Variants in MAP4K5 observed in about 807,000 individuals in gnomAD.
MAP4K5 encodes the protein MAPK/ERK kinase kinase kinase 5.
MAP4K5 carries 82 observed loss-of-function variants against 135.6 expected under a neutral mutation model. That is an observed-to-expected ratio of 0.60 (90% CI 0.51 to 0.73). MAP4K5 has a LOEUF of 0.73. Ranked by LOEUF, MAP4K5 falls within the 30% of genes least tolerant of loss-of-function variation. The pLI, the probability that MAP4K5 is intolerant of heterozygous loss-of-function variation, is 0.00. For synonymous variants in MAP4K5, 347 were observed against 335.0 expected (o/e 1.04, Z -0.39); for missense variants, 907 against 1,010.9 (o/e 0.90, Z 1.39).
chr14:50,438,843 C>T (rs2139688278), intron 23 of MAP4K5, among the ~76,000 whole-genome samples: 1 of 152,230 alleles, frequency 6.6e-6, no homozygotes, highest in Middle Eastern at 3.4e-3. Flanking sequence ...GCTAAACACA[C>T]ATGTACATGC....
chr14:50,458,591 G>GA (rs1266801640), intron 13 of MAP4K5, among the ~76,000 whole-genome samples: 1 of 151,958 alleles, frequency 6.6e-6, no homozygotes, highest in Non-Finnish European at 1.5e-5. Context: ...TGTTCTCATT[G>GA]AAACTCTCCT....
rs115344031 is a variant in MAP4K5, at chr14:50,487,563, G to A, written c.167-1369C>T. ...TTTTATTTGTAACCTGGGAAAACAT[G>A]TATTACATAAATGGTTACGTATACC... On this transcript the variant is annotated intron_variant, in intron 3 of 32. Transcript: ENST00000682126. 4.3e-3 allele frequency among the ~76,000 whole-genome samples: 661 copies of A among 152,262 alleles called. 6 individuals carry two copies. The highest frequency in any genetic ancestry group is 0.015 in the African/African-American group (629 of 41,558).
At chr14:50,550,364 A>T (rs2038687109) in intron 1 of MAP4K5, among the ~76,000 whole-genome samples, 2 of 152,204 alleles carry the variant, frequency 1.3e-5, no homozygotes, top group African/African-American at 4.8e-5. Context: ...CCTACTGAAC[A>T]TCTGTGTTTG....
chr14:50,453,949 T>C (rs2036546197), intron 14 of MAP4K5, among the ~76,000 whole-genome samples: 1 of 152,130 alleles, frequency 6.6e-6, no homozygotes, highest in African/African-American at 2.4e-5. Flanking sequence ...GTGTGATTCA[T>C]AATAATCATT....
At chr14:50,444,864 T>C (rs1182837112) in intron 18 of MAP4K5, among the ~76,000 whole-genome samples, 177 bp downstream of exon 18, 1 of 152,206 alleles carries the variant, frequency 6.6e-6, no homozygotes, top group Admixed American at 6.5e-5. Context: ...AGCCCATCCA[T>C]GCAGAATTAA....
rs145194021 is a variant in MAP4K5 at position 50,495,941 on chromosome 14, T to C, written c.166+8859A>G. ...AAGAGTTGTTGTTGTTTAATGAATA[T>C]AGAGTTTTAGTTTTGCAAGATGAAA... is the stretch of plus-strand genomic sequence containing the variant. On this transcript the variant is annotated intron_variant, in intron 3 of 32. Transcript: ENST00000682126. Among the ~76,000 whole-genome samples, 10 of 152,330 alleles carry C rather than the reference T, an allele frequency of 6.6e-5. 1 individual carries two copies. In the East Asian group the frequency reaches 9.6e-4, roughly 15 times the overall value.
rs370933159 is a variant in MAP4K5, at chr14:50,555,083, G to T, written c.-180+5957C>A. ...TCAATGGTATTTGAGTGGAGATGAT[G>T]TGTGCACTTTCTGGGTTGTACCCTT... On this transcript the variant is annotated intron_variant, in intron 1 of 8. Transcript: ENST00000555216. 5.3e-5 allele frequency among the ~76,000 whole-genome samples: 8 copies of T among 152,282 alleles called. No individual in the cohort carries two copies. The East Asian group carries it at 7.7e-4, about 15-fold the overall frequency.
rs755505909 is a variant in MAP4K5 at position 50,440,053 on chromosome 14, A to C, written c.1665T>G (p.Thr555=). 1 of 1,537,896 alleles carries C rather than the reference A, an allele frequency of 6.5e-7. No homozygotes were observed. Among genetic ancestry groups the C allele is most frequent in the Non-Finnish European group, 8.9e-7 (1 of 1,126,064 alleles). The stretch of plus-strand genomic sequence containing the variant: ...AAGTATTATTGATAACATACAGCCA[A>C]GTACACTTCCGTGGAAATAACTAAG... The part of the protein sequence containing the change: ...TMEQLFPRKC[T]WLYVINNTLM... Residue 555 remains threonine, a synonymous_variant, in exon 23 of 33, where the codon ACT becomes ACG. Transcript: ENST00000682126.
intron 2 of MAP4K5, among the ~76,000 whole-genome samples, chr14:50,514,804 G>A (rs947021541): frequency 2.0e-5 from 3 of 148,494 alleles, no homozygotes; most frequent in African/African-American, 7.4e-5. Context: ...AAGATATAAA[G>A]AGGGAATGGT....
chr14:50,418,615 G>A lies in MAP4K5; in HGVS notation c.*1404C>T, dbSNP rs1216267331. Reference sequence around the variant, plus strand: ...TCAGGCTCAACTACTAACTTGCTGTGTAAATTGGATAGATCTCTTAACCTT... The same window carrying A: ...TCAGGCTCAACTACTAACTTGCTGTATAAATTGGATAGATCTCTTAACCTT... On this transcript the variant is annotated 3_prime_UTR_variant, in exon 33 of 33. Transcript: ENST00000682126. 1 of 152,652 alleles carries A rather than the reference G, an allele frequency of 6.6e-6. No individual in the cohort carries two copies. Among genetic ancestry groups the A allele is most frequent in the Non-Finnish European group, 1.5e-5 (1 of 68,042 alleles). The allele number at this position is 152,652 out of a possible 1,614,324, so 9.5% of individuals were successfully genotyped here.
chr14:50,452,204 G>C (rs183989977), intron 14 of MAP4K5, among the ~76,000 whole-genome samples: 1 of 152,222 alleles, frequency 6.6e-6, no homozygotes, highest in Admixed American at 6.5e-5. Flanking sequence ...GGGTTTATTA[G>C]GATGTAACCC....
At chr14:50,514,588 T>A (rs558234452) in intron 2 of MAP4K5, among the ~76,000 whole-genome samples, 70 of 152,214 alleles carry the variant, frequency 4.6e-4, no homozygotes, top group African/African-American at 1.6e-3. Context: ...CAAGTCAACA[T>A]TGGAGGATTC....
At chr14:50,432,085 G>T (rs561834183) in intron 28 of MAP4K5, among the ~76,000 whole-genome samples, 11 of 152,254 alleles carry the variant, frequency 7.2e-5, no homozygotes, top group African/African-American at 2.6e-4. Flanking sequence ...GCTACTCTAT[G>T]TTCAGGCACT....
chr14:50,550,458 G>A (rs143516364), intron 1 of MAP4K5, among the ~76,000 whole-genome samples: 1 of 152,306 alleles, frequency 6.6e-6, no homozygotes, highest in East Asian at 1.9e-4. Flanking sequence ...CAGTCCTATT[G>A]TGGGGTATGT....
rs369943447 is a variant in MAP4K5, at chr14:50,506,872, C to G, written c.109-2015G>C. ...CCAGATGCCTCACACCATTCCTACC[C>G]TCTCCTCTTTCTGCCATTGGACATA... On this transcript the variant is annotated intron_variant, in intron 2 of 32. Coordinates refer to ENST00000682126, the MANE Select transcript of MAP4K5 (RefSeq NM_006575.6). 1.1e-3 allele frequency among the ~76,000 whole-genome samples: 170 copies of G among 152,298 alleles called. 2 individuals carry two copies. The South Asian group carries it at 0.033, about 29-fold the overall frequency.
intron 8 of MAP4K5, 145 bp downstream of exon 8, chr14:50,475,983 C>T: frequency 2.2e-6 from 1 of 455,298 alleles, no homozygotes; most frequent in Non-Finnish European, 3.9e-6. Context: ...AGTAAAATTA[C>T]TGGATCAAAA....
chr14:50,538,515 T>G (rs1202412780), intron 2 of MAP4K5, among the ~76,000 whole-genome samples: 1 of 152,242 alleles, frequency 6.6e-6, no homozygotes, highest in Non-Finnish European at 1.5e-5. Flanking sequence ...TAAGAAAAGA[T>G]AGCAGATTAC....
intron 3 of MAP4K5, among the ~76,000 whole-genome samples, chr14:50,490,306 A>G (rs1039559638): frequency 6.6e-6 from 1 of 152,204 alleles, no homozygotes; most frequent in Non-Finnish European, 1.5e-5. Flanking sequence ...ATGATAAATT[A>G]TTAAAAGCTC....
intron 21 of MAP4K5, among the ~76,000 whole-genome samples, chr14:50,441,725 TA>T (rs1489814186): frequency 8.8e-5 from 13 of 146,994 alleles, no homozygotes; most frequent in African/African-American, 3.3e-4. Flanking sequence ...ACTCTGTCTC[TA>T]AAAAAAAATT....
Sources: allele counts gnomAD v4.1 joint callset (sites outside exome capture counted in the v4.1 genomes callset), GRCh38; gene constraint gnomAD v4.1.1; transcripts MANE v1.5; gene names NCBI Gene and HGNC (gene_info 2026-07-23, HGNC 2026-07-21).